Variants in PROC observed in about 807,000 individuals in gnomAD.
The protein encoded by PROC is vitamin K-dependent protein C.
PROC carries 22 observed loss-of-function variants against 36.3 expected under a neutral mutation model. The ratio of observed to expected loss-of-function variants is 0.61; its 90% CI spans 0.43 to 0.86. The LOEUF (loss-of-function observed/expected upper bound fraction) is 0.86, where lower values mean the gene tolerates loss of function less well. PROC is among the 40% of genes least tolerant of loss of function. PROC has a pLI of 0.00. For synonymous variants in PROC, 218 were observed against 244.5 expected, an observed-to-expected ratio of 0.89 and a Z score of 1.01; for missense variants, 526 against 629.7, an observed-to-expected ratio of 0.84 and a Z score of 1.76.
intron 4 of PROC, 31 bp downstream of exon 4, chr2:127,422,972 A>G: frequency 6.2e-7 from 1 of 1,611,156 alleles, no homozygotes. Context: ...CGGCTGGACT[A>G]CCGGCGCCCG....
chr2:127,423,557 C>G (rs1688273465), intron 6 of PROC, 149 bp downstream of exon 6: 3 of 1,066,232 alleles, frequency 2.8e-6, no homozygotes, highest in Non-Finnish European at 3.8e-6. Flanking sequence ...CAGACGCGCC[C>G]CAACACCGGG....
chr2:127,426,252 G>A lies in PROC; in HGVS notation c.678+25G>A. 6.2e-7 allele frequency: 1 copy of A among 1,613,812 alleles called. No individual in the cohort carries two copies. The highest frequency in any genetic ancestry group is 8.5e-7 in the Non-Finnish European group (1 of 1,179,984). The stretch of plus-strand genomic sequence containing the variant: ...GGTGGGAGGCGAGGCAGCACCGGCT[G>A]CTCACGTGCTGGGTCCGGGATCACT... On this transcript the variant is annotated intron_variant, in intron 7 of 8. Transcript: ENST00000234071. This position sits in a 1 kb window ranked among gnomAD's most constrained non-coding sequence, Gnocchi z 7.0.
chr2:127,419,914 C>G lies in PROC; in HGVS notation c.-21-8C>G. 1 of 1,613,926 alleles carries G rather than the reference C, an allele frequency of 6.2e-7. No homozygotes were observed. The highest frequency in any genetic ancestry group is 8.5e-7 in the Non-Finnish European group (1 of 1,179,986). On this transcript the variant is annotated splice_polypyrimidine_tract_variant and splice_region_variant and intron_variant, in intron 1 of 8. Coordinates refer to ENST00000234071, the MANE Select transcript of PROC (RefSeq NM_000312.4). ...AGGCACTGCCCGGAGCTCAGAAGTC[C>G]TCCTCAGACAGGTGCCAGTGCCTCC...
In PROC at chr2:127,426,396, G is replaced by C; in HGVS notation, c.678+169G>C. 2.1e-6 allele frequency: 2 copies of C among 952,396 alleles called. No individual in the cohort carries two copies. Among genetic ancestry groups the C allele is most frequent in the South Asian group, 1.5e-5 (1 of 64,864 alleles). The allele number at this position is 952,396 out of a possible 1,614,324, so 59.0% of individuals were successfully genotyped here. A position where few individuals can be genotyped will look rare whatever the true frequency, so the allele number is the denominator to read the frequency against. ...GGGAAAGATGGACGCAACCTGAGGG[G>C]AGAGGAGCAGCCAGGGTGGGTGAGG... On this transcript the variant is annotated intron_variant, in intron 7 of 8. Coordinates refer to ENST00000234071, the MANE Select transcript of PROC (RefSeq NM_000312.4). This position sits in a 1 kb window ranked among gnomAD's most constrained non-coding sequence, Gnocchi z 7.0.
In PROC at chr2:127,429,175, G is replaced by A; in HGVS notation, c.*229G>A. The A allele has an allele frequency of 1.7e-6, 1 of 580,404 alleles. No homozygotes were observed. Among genetic ancestry groups the A allele is most frequent in the Admixed American group, 3.0e-5 (1 of 32,912 alleles). 36.0% of individuals were successfully genotyped at this position (580,404 alleles called of 1,614,324 possible). A position where few individuals can be genotyped will look rare whatever the true frequency, so the allele number is the denominator to read the frequency against. On this transcript the variant is annotated 3_prime_UTR_variant, in exon 9 of 9. Coordinates refer to ENST00000234071, the MANE Select transcript of PROC (RefSeq NM_000312.4). Reference sequence around the variant, plus strand: ...GGAGGAGCAGATCCAAGTTTTGCGGGGTCTAAAGCTGTGTGTGTTGAGGGG... The same window carrying A: ...GGAGGAGCAGATCCAAGTTTTGCGGAGTCTAAAGCTGTGTGTGTTGAGGGG...
chr2:127,423,735 G>A (rs1688293248), intron 6 of PROC: 2 of 366,032 alleles, frequency 5.5e-6, no homozygotes, highest in African/African-American at 4.2e-5. Flanking sequence ...GCGTATCTGG[G>A]GCGAGGCGTG....
rs1188446103 is a variant in PROC, at chr2:127,422,960, C to T, written c.262+19C>T. On this transcript the variant is annotated intron_variant, in intron 4 of 8. Transcript: ENST00000234071. ...CACGTCGGTGAGTGCGTTCTAGATC[C>T]CCGGCTGGACTACCGGCGCCCGCGC... 1.9e-6 allele frequency: 3 copies of T among 1,606,910 alleles called. No individual in the cohort carries two copies. The highest frequency in any genetic ancestry group is 2.5e-6 in the Non-Finnish European group (3 of 1,177,596).
In PROC at chr2:127,422,792, G is replaced by T. The variant is rs1573441346; in HGVS notation, c.238-125G>T. ...TCCTAGCAGCCAACGACCATCGGGC[G>T]TCGATCCCTGTTTGTCTGGAAGCCC... On this transcript the variant is annotated intron_variant, in intron 3 of 8. Coordinates refer to ENST00000234071, the MANE Select transcript of PROC (RefSeq NM_000312.4). The T allele has an allele frequency of 3.7e-6, 5 of 1,340,850 alleles. No homozygotes were observed. In the East Asian group the frequency reaches 1.3e-4, roughly 34 times the overall value. The allele number at this position is 1,340,850 out of a possible 1,614,324, so 83.1% of individuals were successfully genotyped here.
chr2:127,425,103 G>A (rs551094745), intron 6 of PROC, among the ~76,000 whole-genome samples: 1 of 152,316 alleles, frequency 6.6e-6, no homozygotes, highest in South Asian at 2.1e-4. Context: ...GAGGGCTTTC[G>A]CAGTTTCTCT....
rs1273141289 is a variant in PROC at position 127,421,374 on chromosome 2, C to T, written c.162C>T (p.Ser54=). 2 of 1,613,804 alleles carry T rather than the reference C, an allele frequency of 1.2e-6. No individual in the cohort carries two copies. The highest frequency in any genetic ancestry group is 1.3e-5 in the African/African-American group (1 of 74,938). ...NSFLEELRHS[S]LERECIEEIC... ...TCCTGGAGGAGCTCCGTCACAGCAG[C>T]CTGGAGCGGGAGTGCATAGAGGAGA... Residue 54 remains serine (S), a synonymous_variant, in exon 3 of 9, where the codon AGC becomes AGT. Transcript: ENST00000234071.
At chr2:127,425,550 T>C (rs1013912608) in intron 6 of PROC, among the ~76,000 whole-genome samples, 2 of 152,212 alleles carry the variant, frequency 1.3e-5, no homozygotes, top group East Asian at 3.8e-4. Context: ...TCCTTTCCTC[T>C]GTGAGGAGCT....
Position 127,428,435 on chromosome 2 carries a change from G to C in PROC, c.875G>C (p.Ser292Thr). The change falls in exon 9 of 9, where the codon AGC becomes ACC. Residue 292 changes from serine to threonine, a missense_variant. By Grantham distance (58) the Ser-to-Thr change is moderately conservative (BLOSUM62 1). Transcript: ENST00000234071. ...GAGGTCTTCGTCCACCCCAACTACA[G>C]CAAGAGCACCACCGACAATGACATC... is the stretch of plus-strand genomic sequence containing the variant. ...IKEVFVHPNYSKSTTDNDIAL... is the reference protein window; with the variant it reads ...IKEVFVHPNYTKSTTDNDIAL... The C allele has an allele frequency of 4.3e-6, 7 of 1,614,152 alleles. No homozygotes were observed. The highest frequency in any genetic ancestry group is 5.9e-6 in the Non-Finnish European group (7 of 1,180,028).
Position 127,426,382 on chromosome 2 carries a change from A to G in PROC, c.678+155A>G. ...TGGGGGATGCTTCAGGGAAAGATGG[A>G]CGCAACCTGAGGGGAGAGGAGCAGC... is the stretch of plus-strand genomic sequence containing the variant. On this transcript the variant is annotated intron_variant, in intron 7 of 8. Coordinates refer to ENST00000234071, the MANE Select transcript of PROC (RefSeq NM_000312.4). This position sits in a 1 kb window ranked among gnomAD's most constrained non-coding sequence, Gnocchi z 7.0. 2 of 1,067,506 alleles carry G rather than the reference A, an allele frequency of 1.9e-6. No individual in the cohort carries two copies. The highest frequency in any genetic ancestry group is 2.9e-5 in the South Asian group (2 of 69,170). The allele number at this position is 1,067,506 out of a possible 1,614,324, so 66.1% of individuals were successfully genotyped here. A position where few individuals can be genotyped will look rare whatever the true frequency, so the allele number is the denominator to read the frequency against.
At chr2:127,422,223 T>TCC (rs1373672385) in intron 3 of PROC, among the ~76,000 whole-genome samples, 1 of 152,130 alleles carries the variant, frequency 6.6e-6, no homozygotes, top group Non-Finnish European at 1.5e-5. Flanking sequence ...TGGACCTCCA[T>TCC]CCCCACCACC....
In PROC at chr2:127,419,811, G is replaced by A. The variant is rs772722834; in HGVS notation, c.-21-111G>A. 314 of 1,575,478 alleles carry A rather than the reference G, an allele frequency of 2.0e-4. 2 individuals are homozygous for A. Among genetic ancestry groups the A allele is most frequent in the Non-Finnish European group, 1.7e-4 (198 of 1,160,454 alleles). ...ACAAGGACCCTCAATCCCAGCTTCC[G>A]CCCTGACGGCCAGCACACAGGGACA... is the stretch of plus-strand genomic sequence containing the variant. On this transcript the variant is annotated intron_variant, in intron 1 of 8. Coordinates refer to ENST00000234071, the MANE Select transcript of PROC (RefSeq NM_000312.4).
intron 8 of PROC, 55 bp from the exon 9 acceptor site, chr2:127,428,302 G>C: frequency 6.4e-7 from 1 of 1,557,398 alleles, no homozygotes; most frequent in Non-Finnish European, 8.8e-7. Context: ...TCAGGAAAGT[G>C]CCACTGGGGA....
Position 127,426,411 on chromosome 2 carries a change from G to C in PROC, c.678+184G>C. 1 of 808,824 alleles carries C rather than the reference G, an allele frequency of 1.2e-6. No individual in the cohort carries two copies. Among genetic ancestry groups the C allele is most frequent in the Non-Finnish European group, 2.0e-6 (1 of 509,012 alleles). 50.1% of individuals were successfully genotyped at this position (808,824 alleles called of 1,614,324 possible). On this transcript the variant is annotated intron_variant, in intron 7 of 8. Transcript: ENST00000234071. This position sits in a 1 kb window ranked among gnomAD's most constrained non-coding sequence, Gnocchi z 7.0. Reference sequence around the variant, plus strand: ...AACCTGAGGGGAGAGGAGCAGCCAGGGTGGGTGAGGGGAGGGGCATGGGGG... The same window carrying C: ...AACCTGAGGGGAGAGGAGCAGCCAGCGTGGGTGAGGGGAGGGGCATGGGGG...
chr2:127,424,509 A>T (rs1688356676), intron 6 of PROC, among the ~76,000 whole-genome samples: 1 of 152,106 alleles, frequency 6.6e-6, no homozygotes, highest in Admixed American at 6.6e-5. Context: ...TCTTTCAGGG[A>T]ACTTTCTACA....
intron 2 of PROC, 103 bp downstream of exon 2, chr2:127,420,115 G>A: frequency 7.4e-7 from 1 of 1,351,954 alleles, no homozygotes; most frequent in South Asian, 1.2e-5. Flanking sequence ...TCTGAGCCCT[G>A]GGTGAGGTGA....
Sources: gnomAD v4.1 joint callset for allele counts (sites outside exome capture counted in the v4.1 genomes callset) on GRCh38, gnomAD v4.1.1 for gene constraint, Gnocchi (gnomAD v3.1) non-coding constraint, MANE v1.5 for transcripts, NCBI Gene and HGNC (gene_info 2026-07-23, HGNC 2026-07-21) for gene names.